GLI2: variants seen among roughly 807,000 people sequenced by gnomAD.
GLI2 encodes the protein transcription activator GLI2.
A neutral mutation model predicts 78.9 loss-of-function variants in GLI2; 22 were observed. The observed-to-expected ratio is 0.28, with a 90% CI of 0.20 to 0.40. GLI2 has a LOEUF of 0.40. Ranked by LOEUF, GLI2 falls within the 10% of genes least tolerant of loss-of-function variation. GLI2 has a pLI of 1.00. For missense variants in GLI2, 2,097 were observed against 2,213.2 expected, an observed-to-expected ratio of 0.95 and a Z score of 1.05; for synonymous variants, 974 against 963.7, an observed-to-expected ratio of 1.01 and a Z score of -0.20.
intron 2 of GLI2, among the ~76,000 whole-genome samples, chr2:120,812,003 G>T (rs1008922532): frequency 1.2e-4 from 19 of 152,192 alleles, no homozygotes; most frequent in African/African-American, 4.6e-4. Context: ...ACACAGGCAA[G>T]TACCCAAATC....
chr2:120,791,590 G>A (rs1684159675), intron 1 of GLI2, among the ~76,000 whole-genome samples: 1 of 152,212 alleles, frequency 6.6e-6, no homozygotes, highest in Admixed American at 6.5e-5. Context: ...CTGTGATCAA[G>A]GCAGGGCACA....
chr2:120,947,788 C>T (rs565822367), intron 3 of GLI2, among the ~76,000 whole-genome samples: 29 of 152,338 alleles, frequency 1.9e-4, no homozygotes, highest in African/African-American at 6.7e-4. Flanking sequence ...CTTGAAGGGA[C>T]AGGCAGTGCC....
chr2:120,814,870 T>G (rs942886332), intron 2 of GLI2, among the ~76,000 whole-genome samples: 1 of 145,014 alleles, frequency 6.9e-6, no homozygotes, highest in East Asian at 2.1e-4. Flanking sequence ...TCGGGACCAT[T>G]GGGGTAGAGG....
In GLI2 at chr2:120,988,386, C is replaced by T. The variant is rs757960575; in HGVS notation, c.2421C>T (p.Ser807=). Residue 807 remains serine, a synonymous_variant, in exon 14 of 14, where the codon TCC becomes TCT. Transcript: ENST00000361492. ...CCTACACCGTGAGCCGCCGCTCCTC[C>T]GGCATCTCCCCCTACTTCTCCAGCC... ...SSAYTVSRRS[S]GISPYFSSRR... The T allele has an allele frequency of 1.9e-5, 30 of 1,572,016 alleles. No individual in the cohort carries two copies. Among genetic ancestry groups the T allele is most frequent in the Non-Finnish European group, 7.7e-6 (9 of 1,168,978 alleles).
chr2:120,803,129 C>T (rs1463350817), intron 2 of GLI2, among the ~76,000 whole-genome samples: 1 of 152,262 alleles, frequency 6.6e-6, no homozygotes, highest in Non-Finnish European at 1.5e-5. Flanking sequence ...TTACACAGGC[C>T]TGCCAGGGCA....
At chr2:120,882,990 C>T (rs1242816595) in intron 2 of GLI2, among the ~76,000 whole-genome samples, 2 of 152,144 alleles carry the variant, frequency 1.3e-5, no homozygotes, top group African/African-American at 4.8e-5. Context: ...TGCTCTCCCA[C>T]CCTCCTACCC....
At chr2:120,827,167 A>G (rs1479618644) in intron 2 of GLI2, among the ~76,000 whole-genome samples, 1 of 152,164 alleles carries the variant, frequency 6.6e-6, no homozygotes, top group Non-Finnish European at 1.5e-5. Context: ...ACACAAACAT[A>G]TGACTATGTT....
At chr2:120,921,728 C>T (rs1261282964) in intron 2 of GLI2, among the ~76,000 whole-genome samples, 3 of 152,206 alleles carry the variant, frequency 2.0e-5, no homozygotes, top group Admixed American at 6.5e-5. Flanking sequence ...TGTATCAGAG[C>T]AGGTGACTGC....
intron 1 of GLI2, among the ~76,000 whole-genome samples, chr2:120,782,980 G>A (rs1036084858): frequency 6.6e-6 from 1 of 152,172 alleles, no homozygotes; most frequent in Non-Finnish European, 1.5e-5. Flanking sequence ...CCCCATCAGT[G>A]GGCCATTGAT....
intron 2 of GLI2, among the ~76,000 whole-genome samples, chr2:120,915,675 T>C (rs758270460): frequency 1.9e-4 from 29 of 152,182 alleles, no homozygotes; most frequent in South Asian, 1.7e-3. Context: ...CTCACGTGGC[T>C]GAAGGGCTGG....
At position 120,975,018 on chromosome 2, in the gene GLI2, G is replaced by A. The variant is rs1463286358; in HGVS notation, c.1226G>A (p.Cys409Tyr). 2 of 1,614,034 alleles carry A rather than the reference G, an allele frequency of 1.2e-6. No individual in the cohort carries two copies. Among genetic ancestry groups the A allele is most frequent in the Non-Finnish European group, 1.7e-6 (2 of 1,180,018 alleles). Residue 409 changes from cysteine (C) to tyrosine (Y), a missense_variant, in exon 9 of 14, where the codon TGT becomes TAT. Transcript: ENST00000361492. ...DLKEDLDRDD[C>Y]KQEAEVVIYE... ...AAGGAAGATCTGGACAGGGATGACT[G>A]TAAGCAGGAGGCTGAGGTGGTCATC...
chr2:120,940,578 G>A (rs1189329148), intron 3 of GLI2, among the ~76,000 whole-genome samples: 2 of 152,154 alleles, frequency 1.3e-5, no homozygotes, highest in African/African-American at 4.8e-5. Context: ...CCAGCACCTT[G>A]TATACTGTTA....
intron 5 of GLI2, 54 bp downstream of exon 5, chr2:120,955,484 G>A: frequency 8.4e-7 from 1 of 1,186,582 alleles, no homozygotes. Flanking sequence ...TCCTCTTGAG[G>A]CTGAGAAGGT....
At chr2:120,896,409 G>A (rs1050485619) in intron 2 of GLI2, among the ~76,000 whole-genome samples, 2 of 152,230 alleles carry the variant, frequency 1.3e-5, no homozygotes, top group South Asian at 4.2e-4. Flanking sequence ...GGTGGGATCC[G>A]GCATGTCTCA....
At position 120,951,463 on chromosome 2, in the gene GLI2, A is replaced by T. The variant is rs1345276225; in HGVS notation, c.457+18A>T. On this transcript the variant is annotated intron_variant, in intron 4 of 13. Coordinates refer to ENST00000361492, the MANE Select transcript of GLI2 (RefSeq NM_001374353.1). Reference sequence around the variant, plus strand: ...CGCTGATGGTGAGTAGGGTGTGGGGATGGGGAGGGGCAGCTAGGGCACTGG... The same window carrying T: ...CGCTGATGGTGAGTAGGGTGTGGGGTTGGGGAGGGGCAGCTAGGGCACTGG... 1.3e-6 allele frequency: 2 copies of T among 1,558,372 alleles called. No homozygotes were observed. Among genetic ancestry groups the T allele is most frequent in the Admixed American group, 3.4e-5 (2 of 58,892 alleles).
intron 2 of GLI2, among the ~76,000 whole-genome samples, chr2:120,898,758 A>G (rs1476122950): frequency 6.6e-6 from 1 of 151,208 alleles, no homozygotes; most frequent in East Asian, 1.9e-4. Flanking sequence ...TTTCTCAGAT[A>G]GAGAAAATAG....
chr2:120,856,905 G>A (rs895775914), intron 2 of GLI2, among the ~76,000 whole-genome samples: 2 of 152,110 alleles, frequency 1.3e-5, no homozygotes, highest in Non-Finnish European at 2.9e-5. Context: ...AGCCCTCTCT[G>A]GGTTGAACTG....
Position 120,978,533 on chromosome 2 carries a change from C to T in GLI2, c.1417C>T (p.Leu473=), listed in dbSNP as rs760286217. 8 of 1,614,130 alleles carry T rather than the reference C, an allele frequency of 5.0e-6. No individual in the cohort carries two copies. In the South Asian group the frequency reaches 8.8e-5, roughly 18 times the overall value. ...GAAGCCCTTCAAGGCGCAGTACATG[C>T]TGGTGGTGCACATGCGGCGACACAC... is the stretch of plus-strand genomic sequence containing the variant. ...EQKPFKAQYM[L]VVHMRRHTGE... The change falls in exon 10 of 14, where the codon CTG becomes TTG. Residue 473 remains leucine (L), a synonymous_variant. Coordinates refer to ENST00000361492, the MANE Select transcript of GLI2 (RefSeq NM_001374353.1).
chr2:120,951,432 C>T lies in GLI2; in HGVS notation c.444C>T (p.Leu148=). Residue 148 remains leucine (L), a synonymous_variant, in exon 4 of 14, where the codon CTC becomes CTT. Coordinates refer to ENST00000361492, the MANE Select transcript of GLI2 (RefSeq NM_001374353.1). ...TLSMISAARG[L]SPADVAQEHL... ...CCATGATCTCTGCAGCCAGGGGCCT[C>T]AGCCCCGCTGATGGTGAGTAGGGTG... is the stretch of plus-strand genomic sequence containing the variant. 1.2e-6 allele frequency: 2 copies of T among 1,610,110 alleles called. No homozygotes were observed. The highest frequency in any genetic ancestry group is 1.7e-6 in the Non-Finnish European group (2 of 1,176,808).
Sources: gnomAD v4.1 joint callset for allele counts (sites outside exome capture counted in the v4.1 genomes callset) on GRCh38, gnomAD v4.1.1 for gene constraint, MANE v1.5 for transcripts, NCBI Gene and HGNC (gene_info 2026-07-23, HGNC 2026-07-21) for gene names.